GRIK4: variants seen among roughly 807,000 people sequenced by gnomAD.
The protein encoded by GRIK4 is glutamate receptor ionotropic, kainate 4.
GRIK4 carries 40 observed loss-of-function variants against 104.9 expected under a neutral mutation model. That is an observed-to-expected ratio of 0.38 (90% CI 0.30 to 0.50). The LOEUF (loss-of-function observed/expected upper bound fraction) is 0.50, where lower values mean the gene tolerates loss of function less well. Among genes scored for constraint, GRIK4 ranks in the 20% least tolerant of loss-of-function variants. GRIK4 has a pLI of 0.93. For missense variants in GRIK4, 1,047 were observed against 1,308.1 expected (o/e 0.80, Z 3.08); for synonymous variants, 485 against 524.9 (o/e 0.92, Z 1.04).
chr11:120,784,060 C>T (rs1952215281), intron 3 of GRIK4, among the ~76,000 whole-genome samples: 1 of 152,164 alleles, frequency 6.6e-6, no homozygotes, highest in South Asian at 2.1e-4. Context: ...AGGTACTCCC[C>T]AGCATGTAGA....
chr11:120,579,893 G>A (rs1948546042), intron 1 of GRIK4, among the ~76,000 whole-genome samples: 1 of 151,802 alleles, frequency 6.6e-6, no homozygotes, highest in Non-Finnish European at 1.5e-5. Context: ...CCACACCCCC[G>A]GCAGTCACAC....
chr11:120,682,153 GGCTGGAAT>G (rs1950202314), intron 3 of GRIK4, among the ~76,000 whole-genome samples: 1 of 152,300 alleles, frequency 6.6e-6, no homozygotes, highest in African/African-American at 2.4e-5. Context: ...TCCAAGCTTT[GGCTGGAAT>G]CGTCAGAAGG....
chr11:120,871,944 C>T (rs1014413152), intron 9 of GRIK4: 1 of 455,976 alleles, frequency 2.2e-6, no homozygotes, highest in Admixed American at 2.3e-5. Context: ...AGCTGGCTCA[C>T]CCAGTTCCCC....
At chr11:120,540,210 TTTAGGG>T (rs900814359) in intron 1 of GRIK4, among the ~76,000 whole-genome samples, 44 of 152,180 alleles carry the variant, frequency 2.9e-4, no homozygotes, top group Admixed American at 1.3e-3. Context: ...TGGAGATGCT[TTTAGGG>T]TTTAATCATT....
intron 3 of GRIK4, among the ~76,000 whole-genome samples, chr11:120,706,807 A>T (rs1464175114): frequency 6.6e-6 from 1 of 152,184 alleles, no homozygotes; most frequent in East Asian, 1.9e-4. Flanking sequence ...CTGTCCCAGC[A>T]GGCCTCCTAA....
intron 3 of GRIK4, among the ~76,000 whole-genome samples, chr11:120,663,602 A>G (rs1273086627): frequency 6.6e-6 from 1 of 152,204 alleles, no homozygotes; most frequent in Non-Finnish European, 1.5e-5. Context: ...TGTTAACTGA[A>G]TGAACGCTAG....
intron 2 of GRIK4, among the ~76,000 whole-genome samples, chr11:120,656,030 A>G (rs1949704939): frequency 6.6e-6 from 1 of 152,222 alleles, no homozygotes. Flanking sequence ...GAAACCCCCC[A>G]TGGAGGGTAA....
intron 8 of GRIK4, among the ~76,000 whole-genome samples, chr11:120,839,927 C>T (rs752502140): frequency 6.6e-6 from 1 of 152,220 alleles, no homozygotes; most frequent in Non-Finnish European, 1.5e-5. Flanking sequence ...CCTATAGAAA[C>T]ACAGCTTCTC....
rs540105396 is a variant in GRIK4, at chr11:120,850,648, A to T, written c.745-11311A>T. 1.3e-4 allele frequency among the ~76,000 whole-genome samples: 20 copies of T among 152,302 alleles called. No homozygotes were observed. The South Asian group carries it at 3.9e-3, about 30-fold the overall frequency. On this transcript the variant is annotated intron_variant, in intron 8 of 20. Transcript: ENST00000527524. Reference sequence around the variant, plus strand: ...ACTGACAGCCAAGGCAAAGGGGGAAACCAAGGCCTCTCTCTTGAAACTGCT... The same window carrying T: ...ACTGACAGCCAAGGCAAAGGGGGAATCCAAGGCCTCTCTCTTGAAACTGCT...
intron 1 of GRIK4, among the ~76,000 whole-genome samples, chr11:120,547,867 G>A (rs539758084): frequency 2.0e-5 from 3 of 152,350 alleles, no homozygotes; most frequent in Non-Finnish European, 4.4e-5. Flanking sequence ...CCCTGTTAGA[G>A]CTTTAAGAAC....
chr11:120,555,837 A>C lies in GRIK4; in HGVS notation c.-159+43950A>C, dbSNP rs1289224002. The stretch of plus-strand genomic sequence containing the variant: ...GTCCCTGCCACCAAGAATCATGGCC[A>C]TGCTGGGGCCACGCGTCTTGGGAGC... On this transcript the variant is annotated intron_variant, in intron 1 of 20. Transcript: ENST00000527524. This position sits in a 1 kb window ranked among gnomAD's most constrained non-coding sequence, Gnocchi z 5.3. 2.0e-5 allele frequency among the ~76,000 whole-genome samples: 3 copies of C among 152,188 alleles called. No homozygotes were observed. In the East Asian group the frequency reaches 5.8e-4, roughly 29 times the overall value.
intron 14 of GRIK4, among the ~76,000 whole-genome samples, chr11:120,941,278 C>T (rs1287460937): frequency 5.9e-5 from 9 of 152,202 alleles, no homozygotes; most frequent in African/African-American, 2.2e-4. Context: ...GCCCATGATT[C>T]AGCTGCCATG....
chr11:120,933,486 G>A (rs988015653), intron 13 of GRIK4, among the ~76,000 whole-genome samples: 1 of 152,098 alleles, frequency 6.6e-6, no homozygotes, highest in Non-Finnish European at 1.5e-5. Context: ...TTATACCCGC[G>A]TTACAGATAA....
chr11:120,833,927 G>A (rs1264112304), intron 7 of GRIK4, among the ~76,000 whole-genome samples: 1 of 152,146 alleles, frequency 6.6e-6, no homozygotes, highest in Non-Finnish European at 1.5e-5. Flanking sequence ...TTTAATGGCT[G>A]CCTCATTTCC....
chr11:120,962,782 T>C, intron 18 of GRIK4, 101 bp downstream of exon 18: 1 of 739,948 alleles, frequency 1.4e-6, no homozygotes. Context: ...CCCCCTGTTG[T>C]TAGAACCAGT....
chr11:120,807,812 C>T (rs112467199), intron 4 of GRIK4, among the ~76,000 whole-genome samples: 2,054 of 152,302 alleles, frequency 0.013, 40 homozygotes, highest in African/African-American at 0.046. Flanking sequence ...ATCATCTGGT[C>T]CAACCCCTTC....
rs951275803 is a variant in GRIK4, at chr11:120,986,389, T to G, written c.*129T>G. 8.1e-7 allele frequency: 1 copy of G among 1,239,996 alleles called. No individual in the cohort carries two copies. Among genetic ancestry groups the G allele is most frequent in the East Asian group, 3.2e-5 (1 of 31,668 alleles). The allele number at this position is 1,239,996 out of a possible 1,614,324, so 76.8% of individuals were successfully genotyped here. ...CTCTCCAGATTTCGGATCCAGTCAC[T>G]TTTCAAAAAGATCAAGGAGCCTGAC... On this transcript the variant is annotated 3_prime_UTR_variant, in exon 21 of 21. Coordinates refer to ENST00000527524, the MANE Select transcript of GRIK4 (RefSeq NM_014619.5).
intron 1 of GRIK4, among the ~76,000 whole-genome samples, chr11:120,546,642 GGAGTC>G (rs1948087769): frequency 3.9e-5 from 6 of 152,154 alleles, no homozygotes; most frequent in Admixed American, 2.6e-4. Flanking sequence ...GGTGAAGGAT[GGAGTC>G]TAGGGAACGT....
intron 3 of GRIK4, among the ~76,000 whole-genome samples, chr11:120,759,698 A>G (rs1351952515): frequency 6.6e-6 from 1 of 152,144 alleles, no homozygotes; most frequent in Non-Finnish European, 1.5e-5. Context: ...AAATACTGGT[A>G]AGGGAAATGG....
Sources: gnomAD v4.1 joint callset for allele counts (sites outside exome capture counted in the v4.1 genomes callset) on GRCh38, gnomAD v4.1.1 for gene constraint, Gnocchi (gnomAD v3.1) non-coding constraint, MANE v1.5 for transcripts, NCBI Gene and HGNC (gene_info 2026-07-23, HGNC 2026-07-21) for gene names.